Variants in MIER1 observed in about 807,000 individuals in gnomAD.
MIER1 encodes the protein mesoderm induction early response protein 1.
MIER1 carries 40 observed loss-of-function variants against 75.7 expected under a neutral mutation model. That is an observed-to-expected ratio of 0.53 (90% CI 0.41 to 0.69). The LOEUF is 0.69. MIER1 is among the 30% of genes least tolerant of loss of function. The probability of loss-of-function intolerance (pLI) is 0.00; values close to 1 mark genes in which losing one functional copy is unlikely to be tolerated. For missense variants in MIER1, 574 were observed against 680.2 expected (o/e 0.84, Z 1.74); for synonymous variants, 213 against 223.4 (o/e 0.95, Z 0.42).
intron 7 of MIER1, chr1:66,960,213 A>C (rs1056511735): frequency 3.3e-5 from 5 of 152,202 alleles, no homozygotes; most frequent in African/African-American, 7.2e-5. Context: ...ATATTTGTTA[A>C]GTAAATTTTG....
chr1:66,926,266 T>G, intron 2 of MIER1, 24 bp downstream of exon 2: 1 of 1,534,528 alleles, frequency 6.5e-7, no homozygotes, highest in Non-Finnish European at 9.0e-7. Flanking sequence ...CACTTGGAGA[T>G]TAAGGGAGGG....
chr1:66,962,543 T>TGTG (rs1661466727), intron 7 of MIER1, among the ~76,000 whole-genome samples: 1 of 152,038 alleles, frequency 6.6e-6, no homozygotes, highest in Non-Finnish European at 1.5e-5. Flanking sequence ...ATTAGCTGTG[T>TGTG]GTGGTGGCAT....
chr1:66,951,274 G>T (rs772714912), intron 4 of MIER1, among the ~76,000 whole-genome samples: 1 of 152,084 alleles, frequency 6.6e-6, no homozygotes, highest in African/African-American at 2.4e-5. Context: ...GACTGTAGGC[G>T]TGCACCACTA....
chr1:66,983,479 ACTT>A (rs10548595), intron 13 of MIER1, among the ~76,000 whole-genome samples: 12,122 of 152,154 alleles, frequency 0.08, 630 homozygotes, highest in African/African-American at 0.15. Flanking sequence ...CCTATATTTT[ACTT>A]CTTATCACCA....
At chr1:66,930,008 A>G (rs1002962534) in intron 2 of MIER1, among the ~76,000 whole-genome samples, 2 of 152,192 alleles carry the variant, frequency 1.3e-5, no homozygotes, top group Non-Finnish European at 2.9e-5. Flanking sequence ...ATCCGTAGAC[A>G]ACCCCCTCCG....
At chr1:66,982,003 A>G (rs950992777) in intron 13 of MIER1, 85 bp downstream of exon 13, 16 of 1,435,972 alleles carry the variant, frequency 1.1e-5, no homozygotes, top group African/African-American at 7.1e-5. Flanking sequence ...TTGGGTTTCT[A>G]TTAAACTTCC....
intron 7 of MIER1, among the ~76,000 whole-genome samples, chr1:66,962,074 A>G (rs1487896621): frequency 6.6e-6 from 1 of 152,194 alleles, no homozygotes; most frequent in Admixed American, 6.5e-5. Context: ...TGAAAATGTC[A>G]GTAAATGTGT....
rs759086474 is a variant in MIER1 at position 66,986,379 on chromosome 1, A to G, written c.*1479A>G. The stretch of plus-strand genomic sequence containing the variant: ...ATATCCAAACTTTTATAAAATATTA[A>G]TTATTCTTGTTTTTCTCACACAGGC... On this transcript the variant is annotated 3_prime_UTR_variant, in exon 14 of 14. Coordinates refer to ENST00000401041, the MANE Select transcript of MIER1 (RefSeq NM_001077700.3). The G allele has an allele frequency of 7.5e-6, 12 of 1,606,366 alleles. No individual in the cohort carries two copies. Among genetic ancestry groups the G allele is most frequent in the Non-Finnish European group, 1.0e-5 (12 of 1,176,944 alleles).
intron 1 of MIER1, chr1:66,925,306 T>G: frequency 1.0e-6 from 1 of 985,304 alleles, no homozygotes; most frequent in Non-Finnish European, 1.2e-6. Context: ...GCTTCCTCCC[T>G]CTGGCCATCG....
chr1:66,948,048 T>G (rs1029018723), intron 4 of MIER1: 1 of 974,116 alleles, frequency 1.0e-6, no homozygotes. Flanking sequence ...ATGCTTTCTT[T>G]AGTGTTAGGA....
At chr1:66,950,109 G>A (rs1658579824) in intron 4 of MIER1, among the ~76,000 whole-genome samples, 1 of 152,038 alleles carries the variant, frequency 6.6e-6, no homozygotes, top group Non-Finnish European at 1.5e-5. Context: ...ATAGACTTTT[G>A]TTTTGTTTTG....
chr1:66,973,151 T>C (rs1242440647), intron 11 of MIER1, among the ~76,000 whole-genome samples, 160 bp downstream of exon 11: 3 of 152,118 alleles, frequency 2.0e-5, no homozygotes, highest in African/African-American at 7.2e-5. Flanking sequence ...CTGCCTATAC[T>C]TCCTAACCTA....
At chr1:66,959,529 G>A (rs1245779112) in intron 6 of MIER1, 150 bp from the exon 7 acceptor site, 1 of 433,152 alleles carries the variant, frequency 2.3e-6, no homozygotes, top group African/African-American at 2.1e-5. Context: ...TAAGTGATAG[G>A]GTGTTAATTA....
At chr1:66,946,005 A>G in intron 3 of MIER1, 145 bp from the exon 4 acceptor site, 1 of 583,906 alleles carries the variant, frequency 1.7e-6, no homozygotes, top group African/African-American at 2.0e-5. Flanking sequence ...TGTAACTATT[A>G]AAAAGCAATA....
At chr1:66,972,809 C>A (rs529255034) in intron 10 of MIER1, 88 bp from the exon 11 acceptor site, 2 of 669,936 alleles carry the variant, frequency 3.0e-6, no homozygotes, top group South Asian at 3.8e-5. Flanking sequence ...CTCATTTTTA[C>A]GAGAAGGTTA....
intron 4 of MIER1, among the ~76,000 whole-genome samples, chr1:66,948,558 G>A (rs1658198131): frequency 6.6e-6 from 1 of 152,172 alleles, no homozygotes; most frequent in South Asian, 2.1e-4. Context: ...TGTCAAAGGT[G>A]TATATTGGCT....
chr1:66,930,716 G>T (rs1248941434), intron 2 of MIER1, among the ~76,000 whole-genome samples: 1 of 152,256 alleles, frequency 6.6e-6, no homozygotes, highest in South Asian at 2.1e-4. Flanking sequence ...TCGCCGGCCG[G>T]TGCTAGGGGC....
In MIER1 at chr1:66,985,831, T is replaced by C. The variant is rs957301341; in HGVS notation, c.*931T>C. On this transcript the variant is annotated 3_prime_UTR_variant, in exon 14 of 14. Coordinates refer to ENST00000401041, the MANE Select transcript of MIER1 (RefSeq NM_001077700.3). ...ATTATAAAATTTTTTTTTTTTTTTTTTTTTTTAAATTTCTACTTAAGGGCA... is the reference window on the plus strand; with the variant it reads ...ATTATAAAATTTTTTTTTTTTTTTTCTTTTTTAAATTTCTACTTAAGGGCA... 3.0e-4 allele frequency: 258 copies of C among 848,008 alleles called. No homozygotes were observed. The highest frequency in any genetic ancestry group is 3.4e-4 in the Non-Finnish European group (243 of 706,218). 52.5% of individuals were successfully genotyped at this position (848,008 alleles called of 1,614,324 possible).
intron 11 of MIER1, 28 bp from the exon 12 acceptor site, chr1:66,976,567 C>T: frequency 1.3e-6 from 2 of 1,533,482 alleles, no homozygotes; most frequent in Non-Finnish European, 1.8e-6. Context: ...AAAGGAGATT[C>T]TTAAAAGCAA....
Sources: gnomAD v4.1 joint callset for allele counts (sites outside exome capture counted in the v4.1 genomes callset) on GRCh38, gnomAD v4.1.1 for gene constraint, MANE v1.5 for transcripts, NCBI Gene and HGNC (gene_info 2026-07-23, HGNC 2026-07-21) for gene names.